Variants in ARHGAP27 observed in about 807,000 individuals in gnomAD.
ARHGAP27 encodes the protein Rho GTPase activating protein 27.
In ARHGAP27, 53 loss-of-function variants were observed where a neutral mutation model predicts 102.0. That is an observed-to-expected ratio of 0.52 (90% CI 0.42 to 0.65). ARHGAP27 has a LOEUF of 0.65. Ranked by LOEUF, ARHGAP27 falls within the 30% of genes least tolerant of loss-of-function variation. The pLI is 0.00. For synonymous variants in ARHGAP27, 525 were observed against 542.8 expected, an observed-to-expected ratio of 0.97 and a Z score of 0.46; for missense variants, 1,117 against 1,256.2, an observed-to-expected ratio of 0.89 and a Z score of 1.68.
Position 45,429,993 on chromosome 17 carries a change from C to T in ARHGAP27, c.287G>A (p.Arg96Gln), listed in dbSNP as rs779145321. ...CGCGGTCGCCGCCGCGCTCACAAAC[C>T]GGTAGTCGTAGGCGAGCGGCTCAGG... ...AAPEPLAYDY[R>Q]FVSAAATAGP... The change falls in exon 4 of 20, where the codon CGG becomes CAG. Residue 96 changes from arginine (R) to glutamine (Q), a missense_variant. Transcript: ENST00000685559. 1.1e-5 allele frequency: 13 copies of T among 1,177,696 alleles called. No individual in the cohort carries two copies. The East Asian group carries it at 4.8e-4, about 43-fold the overall frequency. The allele number at this position is 1,177,696 out of a possible 1,614,324, so 73.0% of individuals were successfully genotyped here. A position where few individuals can be genotyped will look rare whatever the true frequency, so the allele number is the denominator to read the frequency against.
chr17:45,396,889 C>T lies in ARHGAP27; in HGVS notation c.1951+27G>A, dbSNP rs574227892. 41 of 1,607,332 alleles carry T rather than the reference C, an allele frequency of 2.6e-5. No individual in the cohort carries two copies. The East Asian group carries it at 8.7e-4, about 34-fold the overall frequency. On this transcript the variant is annotated intron_variant, in intron 14 of 19. Coordinates refer to ENST00000685559, the MANE Select transcript of ARHGAP27 (RefSeq NM_001282290.2). ...CTCCCCAGGAGAGGCCTCCTGGAGC[C>T]CCCACCCCATCCTGCCTTGCGCACA...
In ARHGAP27 at chr17:45,404,658, G is replaced by A. The variant is rs112271108; in HGVS notation, c.1272C>T (p.His424=). 81 of 1,612,722 alleles carry A rather than the reference G, an allele frequency of 5.0e-5. 1 individual carries two copies. The highest frequency in any genetic ancestry group is 4.7e-4 in the African/African-American group (35 of 74,914). The part of the protein sequence containing the change: ...QEQWVRLEDP[H]GKPYFYNPED... ...CTGGATTGTAGAAGTATGGCTTCCC[G>A]TGGGGGTCCTCCAGCCTCACCCACT... is the stretch of plus-strand genomic sequence containing the variant. Residue 424 remains histidine (H), a synonymous_variant, in exon 7 of 20, where the codon CAC becomes CAT. Coordinates refer to ENST00000685559, the MANE Select transcript of ARHGAP27 (RefSeq NM_001282290.2).
chr17:45,415,052 G>C (rs1356024550), intron 4 of ARHGAP27, among the ~76,000 whole-genome samples: 6 of 138,090 alleles, frequency 4.3e-5, no homozygotes, highest in Admixed American at 3.0e-4. Context: ...GACAGAGAGA[G>C]AGTCCATCTC....
intron 4 of ARHGAP27, among the ~76,000 whole-genome samples, chr17:45,410,830 G>T (rs1168992725): frequency 6.6e-6 from 1 of 152,090 alleles, no homozygotes; most frequent in Non-Finnish European, 1.5e-5. Flanking sequence ...AAGCTTGTGG[G>T]GGGGAGGGGA....
chr17:45,401,011 T>C (rs1219114322), intron 12 of ARHGAP27, among the ~76,000 whole-genome samples: 1 of 152,056 alleles, frequency 6.6e-6, no homozygotes, highest in East Asian at 1.9e-4. Flanking sequence ...CAGAACTCTA[T>C]CCTGCCAAGC....
Position 45,405,695 on chromosome 17 carries a change from C to T in ARHGAP27, c.1046G>A (p.Gly349Asp). The stretch of plus-strand genomic sequence containing the variant: ...CCTCACCCGCGGGTCCCCTGGGCTG[C>T]CAGGGCTCAGGCCCGGCTGCATCTC... The part of the protein sequence containing the change: ...ELEMQPGLSP[G>D]SPGDPRPPTP... The change falls in exon 5 of 20, where the codon GGC becomes GAC. Residue 349 changes from glycine to aspartate, a missense_variant. Transcript: ENST00000685559. The T allele has an allele frequency of 4.4e-6, 7 of 1,598,618 alleles. No individual in the cohort carries two copies. Among genetic ancestry groups the T allele is most frequent in the Non-Finnish European group, 6.0e-6 (7 of 1,176,100 alleles).
At position 45,396,500 on chromosome 17, in the gene ARHGAP27, G is replaced by A. The variant is rs1451720353; in HGVS notation, c.2160C>T (p.Ala720=). The change falls in exon 16 of 20, where the codon GCC becomes GCT. Residue 720 remains alanine, a synonymous_variant. Coordinates refer to ENST00000685559, the MANE Select transcript of ARHGAP27 (RefSeq NM_001282290.2). ...CAGCGCACGTACCGCGGGCCTCGAC[G>A]GCGCGGATGCACTGCTGCACGAAGC... ...VPRFVQQCIR[A]VEARGLDIDG... The A allele has an allele frequency of 5.8e-6, 9 of 1,549,942 alleles. No individual in the cohort carries two copies. The highest frequency in any genetic ancestry group is 4.1e-5 in the African/African-American group (3 of 73,486).
chr17:45,432,866 T>TC lies in ARHGAP27; in HGVS notation c.-400dup, dbSNP rs1295188864. The TC allele has an allele frequency of 6.5e-6, 1 of 154,152 alleles. No individual in the cohort carries two copies. Among genetic ancestry groups the TC allele is most frequent in the Non-Finnish European group, 1.5e-5 (1 of 68,204 alleles). The allele number at this position is 154,152 out of a possible 1,614,324, so 9.5% of individuals were successfully genotyped here. On this transcript the variant is annotated 5_prime_UTR_variant, in exon 1 of 20. Transcript: ENST00000685559. Reference sequence around the variant, plus strand: ...GCTCCCGCGCTGCCGGGTTTCCTGTTCAACAATATAACCAGGGAGGCACCG... The same window carrying TC: ...GCTCCCGCGCTGCCGGGTTTCCTGTTCCAACAATATAACCAGGGAGGCACCG...
intron 4 of ARHGAP27, among the ~76,000 whole-genome samples, chr17:45,414,780 T>G (rs1439098653): frequency 8.9e-6 from 1 of 112,550 alleles, no homozygotes; most frequent in African/African-American, 3.5e-5. Flanking sequence ...AAATGTTGAC[T>G]GGGCACAGTG....
At chr17:45,409,724 TG>T in intron 4 of ARHGAP27, 1 of 157,908 alleles carries the variant, frequency 6.3e-6, no homozygotes, top group Non-Finnish European at 1.4e-5. Context: ...AACCAGCTCC[TG>T]GGGCCAGGTG....
intron 3 of ARHGAP27, among the ~76,000 whole-genome samples, chr17:45,431,232 G>A (rs1050055667): frequency 2.6e-5 from 4 of 152,202 alleles, no homozygotes; most frequent in Non-Finnish European, 5.9e-5. Context: ...GCTCCCGCCC[G>A]GGCTTCGGGG....
At position 45,394,239 on chromosome 17, in the gene ARHGAP27, AGGTGGGTT is replaced by A. The variant is rs2045348428; in HGVS notation, c.*1209_*1216del. On this transcript the variant is annotated 3_prime_UTR_variant, in exon 20 of 20. Coordinates refer to ENST00000685559, the MANE Select transcript of ARHGAP27 (RefSeq NM_001282290.2). ...GTCATTGTCTGTTGAATAAATGAAC[AGGTGGGTT>A]GGTGGGGCTGGGGGCCAAGAGCCAC... 2.0e-5 allele frequency: 3 copies of A among 152,254 alleles called. No homozygotes were observed. The allele number at this position is 152,254 out of a possible 1,614,324, so 9.4% of individuals were successfully genotyped here.
intron 12 of ARHGAP27, among the ~76,000 whole-genome samples, chr17:45,400,511 A>G (rs1426565018): frequency 1.3e-5 from 2 of 152,196 alleles, no homozygotes; most frequent in African/African-American, 4.8e-5. Flanking sequence ...CAACTCAAAA[A>G]GCCCTATTCT....
chr17:45,426,545 G>C (rs1174660125), intron 4 of ARHGAP27, among the ~76,000 whole-genome samples: 1 of 152,084 alleles, frequency 6.6e-6, no homozygotes, highest in African/African-American at 2.4e-5. Flanking sequence ...GCTGCTGCCT[G>C]ACAGAAGGGC....
At chr17:45,418,848 G>C (rs2048740936) in intron 4 of ARHGAP27, among the ~76,000 whole-genome samples, 1 of 152,170 alleles carries the variant, frequency 6.6e-6, no homozygotes, top group South Asian at 2.1e-4. Context: ...GGGCCAAACA[G>C]GTGGGCCAGG....
chr17:45,405,684 C>A lies in ARHGAP27; in HGVS notation c.1057G>T (p.Asp353Tyr). 6.3e-7 allele frequency: 1 copy of A among 1,594,146 alleles called. No homozygotes were observed. The change falls in exon 5 of 20, where the codon GAC (aspartate) becomes TAC (tyrosine). Residue 353 changes from aspartate (D) to tyrosine (Y), a missense_variant. Asp to Tyr is a radical substitution (Grantham distance 160). Around this residue, in one of 3 missense-constraint regions of ARHGAP27, gnomAD observed 610 missense variants for 716.4 expected, o/e 0.85. Coordinates refer to ENST00000685559, the MANE Select transcript of ARHGAP27 (RefSeq NM_001282290.2). The stretch of plus-strand genomic sequence containing the variant: ...CTGGCCCTGCCCCTCACCCGCGGGT[C>A]CCCTGGGCTGCCAGGGCTCAGGCCC... ...QPGLSPGSPG[D>Y]PRPPTPETDY...
intron 10 of ARHGAP27, 48 bp downstream of exon 10, chr17:45,403,981 G>A (rs372680057): frequency 2.3e-5 from 36 of 1,597,240 alleles, no homozygotes; most frequent in South Asian, 4.4e-5. Context: ...AGTGAACATC[G>A]TCACCAAGGC....
In ARHGAP27 at chr17:45,395,466, G is replaced by C. The variant is rs774394681; in HGVS notation, c.2660C>G (p.Pro887Arg). The C allele has an allele frequency of 1.3e-6, 2 of 1,563,560 alleles. No homozygotes were observed. Among genetic ancestry groups the C allele is most frequent in the Admixed American group, 1.9e-5 (1 of 53,364 alleles). The change falls in exon 20 of 20, where the codon CCG becomes CGG. Residue 887 changes from proline (P) to arginine (R), a missense_variant. By Grantham distance (103) the Pro-to-Arg change is moderately radical. Around this residue, in one of 3 missense-constraint regions of ARHGAP27, gnomAD observed 493 missense variants for 505.5 expected, o/e 0.98. Transcript: ENST00000685559. Reference protein sequence around the residue: ...LILQQCADIFPPH With the variant: ...LILQQCADIFRPH ...GTCACAGGCCAGCAGTCAGTGCGGC[G>C]GGAAGATGTCCGCGCACTGCTGCAG... is the stretch of plus-strand genomic sequence containing the variant.
Position 45,422,033 on chromosome 17 carries a change from G to A in ARHGAP27, c.657+7590C>T, listed in dbSNP as rs747073042. On this transcript the variant is annotated intron_variant, in intron 4 of 19. Coordinates refer to ENST00000685559, the MANE Select transcript of ARHGAP27 (RefSeq NM_001282290.2). ...ATACAAAAATTAGTTGGATGTGGTG[G>A]CGTGTGCCTGTAATCCCAGTTAATC... Among the ~76,000 whole-genome samples, 52 of 152,276 alleles carry A rather than the reference G, an allele frequency of 3.4e-4. 1 individual carries two copies. Among genetic ancestry groups the A allele is most frequent in the South Asian group, 2.1e-4 (1 of 4,824 alleles).
Sources: gnomAD v4.1 joint callset for allele counts (sites outside exome capture counted in the v4.1 genomes callset) on GRCh38, gnomAD v4.1.1 for gene constraint, gnomAD v4.1.1 regional missense constraint, MANE v1.5 for transcripts, NCBI Gene and HGNC (gene_info 2026-07-23, HGNC 2026-07-21) for gene names.